Variants in XXYLT1 observed in about 807,000 individuals in gnomAD.
XXYLT1 encodes UDP-xylose:alpha-xyloside alpha-1,3-xylosyltransferase.
In XXYLT1, 20 loss-of-function variants were observed where a neutral mutation model predicts 28.9. The observed-to-expected ratio is 0.69, with a 90% CI of 0.49 to 1.00. XXYLT1 has a LOEUF of 1.00. XXYLT1 is among the 50% of genes least tolerant of loss of function. The pLI, the probability that XXYLT1 is intolerant of heterozygous loss-of-function variation, is 0.00. For missense variants in XXYLT1, 542 were observed against 560.1 expected, an observed-to-expected ratio of 0.97 and a Z score of 0.33; for synonymous variants, 257 against 253.8, an observed-to-expected ratio of 1.01 and a Z score of -0.12.
In XXYLT1 at chr3:195,257,116, A is replaced by T. The variant is rs6437466; in HGVS notation, c.504+13439T>A. Among the ~76,000 whole-genome samples the T allele has an allele frequency of 6.6e-6, 1 of 152,114 alleles. No homozygotes were observed. The highest frequency in any genetic ancestry group is 2.4e-5 in the African/African-American group (1 of 41,366). On this transcript the variant is annotated intron_variant, in intron 1 of 3. Transcript: ENST00000310380. This position sits in a 1 kb window ranked among gnomAD's most constrained non-coding sequence, Gnocchi z 4.3. ...TCTTTACAAGCTTGAGGCCTCTGTA[A>T]GCGGCCAAGGACGCCATGTCCCGCA...
At chr3:195,212,227 C>T (rs1033813336) in intron 2 of XXYLT1, among the ~76,000 whole-genome samples, 1 of 152,110 alleles carries the variant, frequency 6.6e-6, no homozygotes, top group African/African-American at 2.4e-5. Context: ...GGGGTGGCCA[C>T]GGTAGGGTGA....
chr3:195,128,292 C>T (rs1019144261), intron 3 of XXYLT1, among the ~76,000 whole-genome samples: 2 of 152,178 alleles, frequency 1.3e-5, no homozygotes, highest in South Asian at 2.1e-4. Context: ...CCCACCAGGG[C>T]GCCCAAGCCA....
At chr3:195,148,457 T>A (rs1304235995) in intron 3 of XXYLT1, among the ~76,000 whole-genome samples, 1 of 149,336 alleles carries the variant, frequency 6.7e-6, no homozygotes, top group Non-Finnish European at 1.5e-5. Flanking sequence ...TTTTTTTTTT[T>A]AAACACGAGA....
intron 2 of XXYLT1, 33 bp downstream of exon 2, chr3:195,226,676 C>T: frequency 6.2e-7 from 1 of 1,605,250 alleles, no homozygotes; most frequent in South Asian, 1.1e-5. Context: ...AGTCAGACAC[C>T]CAGGGGCTAT....
intron 3 of XXYLT1, among the ~76,000 whole-genome samples, chr3:195,135,492 C>T (rs1719144754): frequency 6.6e-6 from 1 of 152,106 alleles, no homozygotes; most frequent in Non-Finnish European, 1.5e-5. Context: ...CAGTGAAGTA[C>T]AAGTGGCTTC....
chr3:195,178,854 C>T (rs745483900), intron 2 of XXYLT1, among the ~76,000 whole-genome samples: 4 of 152,210 alleles, frequency 2.6e-5, no homozygotes, highest in Non-Finnish European at 5.9e-5. Context: ...AGGAAATAGG[C>T]TTCTTCATTG....
rs190479629 is a variant in XXYLT1, at chr3:195,173,330, C to T, written c.653-16749G>A. Reference sequence around the variant, plus strand: ...AATACCAGGAAGGCTCAGGGAAAGACGCAGCGTCTCCTCCCCCAGCATCTG... The same window carrying T: ...AATACCAGGAAGGCTCAGGGAAAGATGCAGCGTCTCCTCCCCCAGCATCTG... On this transcript the variant is annotated intron_variant, in intron 2 of 3. Coordinates refer to ENST00000310380, the MANE Select transcript of XXYLT1 (RefSeq NM_152531.5). The surrounding 1 kb of genome is among the most constrained non-coding windows in gnomAD (Gnocchi z 4.3). 7.9e-4 allele frequency among the ~76,000 whole-genome samples: 120 copies of T among 152,278 alleles called. No homozygotes were observed. The highest frequency in any genetic ancestry group is 1.2e-3 in the East Asian group (6 of 5,168).
In XXYLT1 at chr3:195,251,479, G is replaced by A. The variant is rs80082786; in HGVS notation, c.504+19076C>T. ...CCTGCCCATGAAGGGAGTGAGGCCAGGACAGACGCCTGTGAAGCTGCGCTG... is the reference window on the plus strand; with the variant it reads ...CCTGCCCATGAAGGGAGTGAGGCCAAGACAGACGCCTGTGAAGCTGCGCTG... On this transcript the variant is annotated intron_variant, in intron 1 of 3. Coordinates refer to ENST00000310380, the MANE Select transcript of XXYLT1 (RefSeq NM_152531.5). Among the ~76,000 whole-genome samples, 26 of 152,324 alleles carry A rather than the reference G, an allele frequency of 1.7e-4. No homozygotes were observed. The East Asian group carries it at 2.5e-3, about 15-fold the overall frequency.
At chr3:195,070,590 C>T (rs1358731971) in intron 3 of XXYLT1, among the ~76,000 whole-genome samples, 3 of 152,220 alleles carry the variant, frequency 2.0e-5, no homozygotes, top group African/African-American at 7.2e-5. Flanking sequence ...GTAGAACTTT[C>T]CACCCCCTTG....
intron 2 of XXYLT1, among the ~76,000 whole-genome samples, chr3:195,181,243 T>A (rs1039786557): frequency 2.0e-5 from 3 of 151,824 alleles, no homozygotes; most frequent in African/African-American, 7.3e-5. Flanking sequence ...ACAATCTCCC[T>A]TTTCACACTG....
At chr3:195,148,854 G>T (rs1577079807) in intron 3 of XXYLT1, among the ~76,000 whole-genome samples, 2 of 152,298 alleles carry the variant, frequency 1.3e-5, no homozygotes, top group East Asian at 3.9e-4. Context: ...GTGTTTTTAA[G>T]AAACTAATAG....
At chr3:195,165,155 A>T (rs1406268120) in intron 2 of XXYLT1, among the ~76,000 whole-genome samples, 1 of 152,020 alleles carries the variant, frequency 6.6e-6, no homozygotes, top group Non-Finnish European at 1.5e-5. Flanking sequence ...CCCCATTGTG[A>T]ACAATGAATC....
At chr3:195,103,402 G>A (rs1325565447) in intron 3 of XXYLT1, among the ~76,000 whole-genome samples, 4 of 150,914 alleles carry the variant, frequency 2.7e-5, no homozygotes, top group South Asian at 4.2e-4. Flanking sequence ...AGCGGCCTGC[G>A]TCCATCACCC....
chr3:195,112,706 T>G (rs1340666646), intron 3 of XXYLT1, among the ~76,000 whole-genome samples: 2 of 138,022 alleles, frequency 1.4e-5, no homozygotes, highest in Non-Finnish European at 3.1e-5. Context: ...CACACACGTA[T>G]GCACACACGC....
Position 195,196,941 on chromosome 3 carries a change from A to T in XXYLT1, c.652+29768T>A, listed in dbSNP as rs533624825. 5.9e-5 allele frequency among the ~76,000 whole-genome samples: 9 copies of T among 152,168 alleles called. No homozygotes were observed. The East Asian group carries it at 1.7e-3, about 29-fold the overall frequency. On this transcript the variant is annotated intron_variant, in intron 2 of 3. Transcript: ENST00000310380. ...AGGAGGAAAAATATTTTACACTGGGACTAGTATATCCTTTTTAAAACCCGG... is the reference window on the plus strand; with the variant it reads ...AGGAGGAAAAATATTTTACACTGGGTCTAGTATATCCTTTTTAAAACCCGG...
At position 195,248,441 on chromosome 3, in the gene XXYLT1, G is replaced by A. The variant is rs143111737; in HGVS notation, c.505-21585C>T. Among the ~76,000 whole-genome samples the A allele has an allele frequency of 7.0e-3, 1,058 of 152,198 alleles. 13 individuals are homozygous for A. The highest frequency in any genetic ancestry group is 0.025 in the African/African-American group (1,022 of 41,520). ...AAGTCTCATGAAATCTGATGGTTCC[G>A]TAAGGAGGAGTTTCCCTGCACAGCT... On this transcript the variant is annotated intron_variant, in intron 1 of 3. Transcript: ENST00000310380.
intron 2 of XXYLT1, among the ~76,000 whole-genome samples, chr3:195,184,440 C>T (rs1007396211): frequency 5.3e-5 from 8 of 152,116 alleles, no homozygotes; most frequent in East Asian, 1.9e-4. Flanking sequence ...ATCTTTAAAC[C>T]GAAAACATGA....
At chr3:195,245,028 T>C (rs1724958571) in intron 1 of XXYLT1, among the ~76,000 whole-genome samples, 2 of 149,854 alleles carry the variant, frequency 1.3e-5, no homozygotes, top group Admixed American at 1.3e-4. Context: ...TAGCCGGGGG[T>C]GGTGGCACGT....
intron 2 of XXYLT1, among the ~76,000 whole-genome samples, chr3:195,187,599 G>C (rs1722258314): frequency 6.6e-6 from 1 of 152,194 alleles, no homozygotes; most frequent in African/African-American, 2.4e-5. Context: ...CATACAGAAG[G>C]GGAAAGAAAT....
Sources: allele counts gnomAD v4.1 joint callset (sites outside exome capture counted in the v4.1 genomes callset), GRCh38; gene constraint gnomAD v4.1.1; non-coding constraint Gnocchi (gnomAD v3.1); transcripts MANE v1.5; gene names NCBI Gene and HGNC (gene_info 2026-07-23, HGNC 2026-07-21).